HDX: variants seen among roughly 807,000 people sequenced by gnomAD.
The protein encoded by HDX is chromosome X open reading frame 43.
Under a neutral mutation model 45.2 loss-of-function variants are expected in HDX, and 19 were observed. That is an observed-to-expected ratio of 0.42 (90% CI 0.29 to 0.62). The LOEUF is 0.62. Among genes scored for constraint, HDX ranks in the 20% least tolerant of loss-of-function variants. HDX has a pLI of 0.20. For missense variants in HDX, 532 were observed against 493.9 expected, an observed-to-expected ratio of 1.08 and a Z score of -0.73; for synonymous variants, 188 against 172.8, an observed-to-expected ratio of 1.09 and a Z score of -0.69.
At chrX:84,359,530 T>G in intron 6 of HDX, among the ~76,000 whole-genome samples, 1 of 111,895 alleles carries the variant, frequency 8.9e-6, no homozygotes, top group Middle Eastern at 4.6e-3. Flanking sequence ...TCTCATTCCT[T>G]TTTATAGCTG....
At chrX:84,484,228 C>T (rs180790243) in intron 2 of HDX, among the ~76,000 whole-genome samples, 136 of 111,808 alleles carry the variant, frequency 1.2e-3, no homozygotes, top group African/African-American at 4.2e-3. Context: ...ATTCCCAGTA[C>T]CAATTTACTG....
intron 5 of HDX, among the ~76,000 whole-genome samples, chrX:84,422,971 G>A (rs1481093920): frequency 9.1e-6 from 1 of 110,127 alleles, no homozygotes; most frequent in African/African-American, 3.3e-5. Context: ...TTTTTGAAAA[G>A]TTAAACAAAA....
In HDX at chrX:84,361,700, G is replaced by T. The variant is rs377656673; in HGVS notation, c.1306-88C>A. 2.3e-4 allele frequency: 143 copies of T among 630,394 alleles called. No homozygotes were observed. In the Middle Eastern group the frequency reaches 2.7e-3, roughly 12 times the overall value. 52.0% of individuals were successfully genotyped at this position (630,394 alleles called of 1,213,427 possible). A position where few individuals can be genotyped will look rare whatever the true frequency, so the allele number is the denominator to read the frequency against. ...ATTATAAAGAGAAGCATCAGGGTGA[G>T]ATGTGCTACGATACTAGCAAAATTT... On this transcript the variant is annotated intron_variant, in intron 5 of 10. Coordinates refer to ENST00000373177, the MANE Select transcript of HDX (RefSeq NM_001177479.2).
chrX:84,411,320 C>T (rs995343711), intron 5 of HDX, among the ~76,000 whole-genome samples: 7 of 111,450 alleles, frequency 6.3e-5, no homozygotes, highest in African/African-American at 2.0e-4. Context: ...TTCTTCTTTA[C>T]ACTGCTTTAG....
intron 2 of HDX, among the ~76,000 whole-genome samples, chrX:84,484,307 T>C (rs2040746695): frequency 8.9e-6 from 1 of 112,033 alleles, no homozygotes; most frequent in Non-Finnish European, 1.9e-5. Flanking sequence ...GAAAGAGTTT[T>C]AAGTGACTCA....
chrX:84,403,043 T>G (rs2038741770), intron 5 of HDX, among the ~76,000 whole-genome samples: 1 of 111,431 alleles, frequency 9.0e-6, no homozygotes, highest in Non-Finnish European at 1.9e-5. Flanking sequence ...ACTCTAAAAT[T>G]TATGCTTGCT....
chrX:84,419,429 A>G (rs1285690725), intron 5 of HDX, among the ~76,000 whole-genome samples: 1 of 111,987 alleles, frequency 8.9e-6, no homozygotes, highest in Non-Finnish European at 1.9e-5. Context: ...GGCAGTGGCT[A>G]TGGGCCGAGG....
chrX:84,417,525 C>G (rs1256747197), intron 5 of HDX, among the ~76,000 whole-genome samples: 1 of 112,422 alleles, frequency 8.9e-6, no homozygotes, highest in East Asian at 2.8e-4. Context: ...TACAATATCT[C>G]TTGACTTTCA....
intron 5 of HDX, among the ~76,000 whole-genome samples, chrX:84,426,339 G>A (rs944075731): frequency 2.1e-4 from 23 of 110,552 alleles, no homozygotes; most frequent in Non-Finnish European, 2.7e-4. Flanking sequence ...AATGAAATAA[G>A]TACCTCAAAG....
At chrX:84,403,253 A>G (rs905130179) in intron 5 of HDX, among the ~76,000 whole-genome samples, 1 of 111,294 alleles carries the variant, frequency 9.0e-6, no homozygotes, top group Non-Finnish European at 1.9e-5. Flanking sequence ...CTAAATAAGA[A>G]AATTCTGAAA....
At chrX:84,356,619 T>C (rs1248738224) in intron 6 of HDX, among the ~76,000 whole-genome samples, 2 of 83,247 alleles carry the variant, frequency 2.4e-5, no homozygotes, top group African/African-American at 9.2e-5. Flanking sequence ...GATATCTTTT[T>C]TTTTTTTTTT....
At chrX:84,493,102 G>A (rs1392704395) in intron 1 of HDX, among the ~76,000 whole-genome samples, 1 of 109,788 alleles carries the variant, frequency 9.1e-6, no homozygotes, top group Non-Finnish European at 1.9e-5. Flanking sequence ...GTAGAGATGG[G>A]GATTCACCTC....
At chrX:84,362,216 C>G (rs1217928816) in intron 5 of HDX, among the ~76,000 whole-genome samples, 1 of 111,266 alleles carries the variant, frequency 9.0e-6, no homozygotes. Context: ...TAAGCCTACC[C>G]TTTTTGTTCT....
rs779979310 is a variant in HDX, at chrX:84,336,844, G to T, written c.1697C>A (p.Ala566Asp). Residue 566 changes from alanine to aspartate, a missense_variant, in exon 8 of 11, where the codon GCT (alanine) becomes GAT (aspartate). Transcript: ENST00000373177. ...PNEVVPNDAR[A>D]HKEEDHHAVT... The stretch of plus-strand genomic sequence containing the variant: ...TGCATGGTGGTCCTCTTCCTTATGA[G>T]CCCTTGCATCATTCGGAACAACTTC... 2.5e-6 allele frequency: 3 copies of T among 1,189,807 alleles called. No homozygotes were observed. The highest frequency in any genetic ancestry group is 3.4e-6 in the Non-Finnish European group (3 of 879,962).
At chrX:84,381,491 A>T (rs1465601308) in intron 5 of HDX, among the ~76,000 whole-genome samples, 1 of 111,396 alleles carries the variant, frequency 9.0e-6, no homozygotes, top group Non-Finnish European at 1.9e-5. Flanking sequence ...CTGGCATAAG[A>T]AATAGACATG....
intron 1 of HDX, among the ~76,000 whole-genome samples, chrX:84,491,348 A>T (rs887981015): frequency 8.9e-6 from 1 of 111,987 alleles, no homozygotes; most frequent in Non-Finnish European, 1.9e-5. Flanking sequence ...GCCATTTCAT[A>T]TGCTATATTT....
At chrX:84,350,502 T>A (rs2037321165) in intron 6 of HDX, among the ~76,000 whole-genome samples, 1 of 111,810 alleles carries the variant, frequency 8.9e-6, no homozygotes, top group Non-Finnish European at 1.9e-5. Flanking sequence ...ATTTTGTAGT[T>A]CTGTGATATC....
At chrX:84,359,057 G>GC (rs1373339791) in intron 6 of HDX, among the ~76,000 whole-genome samples, 2 of 106,758 alleles carry the variant, frequency 1.9e-5, no homozygotes, top group African/African-American at 6.6e-5. Flanking sequence ...ATTAATTAAG[G>GC]CTTTTTTTTT....
At chrX:84,330,611 C>T (rs962010608) in intron 9 of HDX, among the ~76,000 whole-genome samples, 10 of 111,368 alleles carry the variant, frequency 9.0e-5, no homozygotes, top group African/African-American at 2.0e-4. Flanking sequence ...AAGAGATATA[C>T]GTTATCATTA....
Sources: allele counts gnomAD v4.1 joint callset (sites outside exome capture counted in the v4.1 genomes callset), GRCh38; gene constraint gnomAD v4.1.1; transcripts MANE v1.5; gene names NCBI Gene and HGNC (gene_info 2026-07-23, HGNC 2026-07-21).